Variants in NAV2 observed in about 807,000 individuals in gnomAD.
NAV2 encodes the protein neuron navigator 2.
Under a neutral mutation model 223.2 loss-of-function variants are expected in NAV2, and 54 were observed. The ratio of observed to expected loss-of-function variants is 0.24; its 90% CI spans 0.19 to 0.30. The LOEUF is 0.30. Among genes scored for constraint, NAV2 ranks in the 10% least tolerant of loss-of-function variants. The pLI, the probability that NAV2 is intolerant of heterozygous loss-of-function variation, is 1.00. For missense variants in NAV2, 2,806 were observed against 3,147.5 expected (o/e 0.89, Z 2.60); for synonymous variants, 1,279 against 1,239.3 (o/e 1.03, Z -0.67).
intron 12 of NAV2, among the ~76,000 whole-genome samples, chr11:20,042,785 T>C (rs1312972712): frequency 1.3e-5 from 2 of 152,170 alleles, no homozygotes; most frequent in Non-Finnish European, 2.9e-5. Context: ...TATCTTAGTA[T>C]ACCCACCCTG....
At chr11:19,675,218 G>A (rs1201179982) in intron 1 of NAV2, among the ~76,000 whole-genome samples, 2 of 152,050 alleles carry the variant, frequency 1.3e-5, no homozygotes, top group South Asian at 2.1e-4. Flanking sequence ...CTGACTCTAC[G>A]CCATGGATGT....
intron 1 of NAV2, among the ~76,000 whole-genome samples, chr11:19,463,714 C>T (rs779788863): frequency 1.3e-5 from 2 of 152,038 alleles, no homozygotes; most frequent in African/African-American, 4.8e-5. Context: ...TGTTCAGAGG[C>T]GAGCTGGTGA....
intron 10 of NAV2, among the ~76,000 whole-genome samples, chr11:19,954,561 A>T (rs1426658597): frequency 6.6e-6 from 1 of 152,160 alleles, no homozygotes; most frequent in Non-Finnish European, 1.5e-5. Context: ...TCATCTCTAG[A>T]TTACCTATAA....
chr11:19,479,125 G>A (rs934678129), intron 1 of NAV2, among the ~76,000 whole-genome samples: 20 of 152,144 alleles, frequency 1.3e-4, no homozygotes, highest in African/African-American at 4.3e-4. Context: ...TCACTGTGTC[G>A]GGTATAATTA....
intron 1 of NAV2, among the ~76,000 whole-genome samples, chr11:19,473,105 A>T (rs1379876243): frequency 6.6e-6 from 1 of 152,178 alleles, no homozygotes; most frequent in Non-Finnish European, 1.5e-5. Flanking sequence ...CAGCTTCTTT[A>T]GTCCTTGCTG....
At chr11:19,405,024 G>A (rs1343932934) in intron 1 of NAV2, among the ~76,000 whole-genome samples, 2 of 152,164 alleles carry the variant, frequency 1.3e-5, no homozygotes, top group Non-Finnish European at 2.9e-5. Flanking sequence ...CAAGGACAGA[G>A]GCAAAAGGCA....
chr11:19,402,367 G>T (rs1043075818), intron 1 of NAV2, among the ~76,000 whole-genome samples: 1 of 152,160 alleles, frequency 6.6e-6, no homozygotes, highest in Non-Finnish European at 1.5e-5. Context: ...TTATAAATGG[G>T]CTGATACATG....
At chr11:19,959,869 C>T (rs1013350445) in intron 10 of NAV2, among the ~76,000 whole-genome samples, 1 of 150,792 alleles carries the variant, frequency 6.6e-6, no homozygotes, top group Non-Finnish European at 1.5e-5. Context: ...CTCCTTCTTC[C>T]CCCCCCACCA....
intron 6 of NAV2, among the ~76,000 whole-genome samples, chr11:19,895,979 T>C (rs1487890910): frequency 6.6e-6 from 1 of 152,052 alleles, no homozygotes; most frequent in Non-Finnish European, 1.5e-5. Flanking sequence ...TGTGAACAGA[T>C]AAGCCACAGT....
chr11:19,882,306 C>G (rs1238987292), intron 5 of NAV2, among the ~76,000 whole-genome samples: 1 of 152,040 alleles, frequency 6.6e-6, no homozygotes, highest in Non-Finnish European at 1.5e-5. Context: ...AGCCAAGAGG[C>G]CTGCAAACAG....
chr11:19,813,391 C>T (rs556693995), intron 1 of NAV2, among the ~76,000 whole-genome samples: 1 of 152,268 alleles, frequency 6.6e-6, no homozygotes, highest in South Asian at 2.1e-4. Context: ...AAGCGTGGGC[C>T]AAGTGGGGGA....
intron 1 of NAV2, among the ~76,000 whole-genome samples, chr11:19,619,611 G>T (rs893210013): frequency 1.3e-5 from 2 of 152,088 alleles, no homozygotes; most frequent in African/African-American, 4.8e-5. Context: ...GGGGTTGTTT[G>T]AATTTTTCTT....
chr11:19,754,504 G>A (rs533515958), intron 1 of NAV2, among the ~76,000 whole-genome samples: 2 of 152,274 alleles, frequency 1.3e-5, no homozygotes, highest in South Asian at 4.1e-4. Flanking sequence ...TGGTCAGGAA[G>A]GTGAGGGCTG....
chr11:19,498,979 A>G (rs971608474), intron 1 of NAV2, among the ~76,000 whole-genome samples: 3 of 152,188 alleles, frequency 2.0e-5, no homozygotes, highest in African/African-American at 7.2e-5. Context: ...ACTTCTCACC[A>G]TGTTCCAGTC....
At chr11:19,733,633 T>G (rs1462553944) in intron 1 of NAV2, among the ~76,000 whole-genome samples, 12 of 152,194 alleles carry the variant, frequency 7.9e-5, no homozygotes, top group Non-Finnish European at 1.3e-4. Flanking sequence ...ATTTCACATT[T>G]ACTTAAAGGA....
At position 19,946,456 on chromosome 11, in the gene NAV2, G is replaced by A; in HGVS notation, c.2202G>A (p.Arg734=). ...LRTVKNIADL[R]QNLEETMSSL... is the part of the protein sequence containing the mutation. ...CAGTGAAGAACATCGCTGATCTGCG[G>A]CAGAATTTGGAGGAAACCATGTCCA... is the stretch of plus-strand genomic sequence containing the variant. Residue 734 remains arginine, a synonymous_variant, in exon 9 of 38, where the codon CGG becomes CGA. Transcript: ENST00000349880. The A allele has an allele frequency of 1.2e-6, 2 of 1,613,752 alleles. No individual in the cohort carries two copies. Among genetic ancestry groups the A allele is most frequent in the Admixed American group, 1.7e-5 (1 of 59,964 alleles).
intron 11 of NAV2, chr11:20,027,493 A>G: frequency 1.0e-6 from 1 of 980,330 alleles, no homozygotes; most frequent in African/African-American, 1.7e-5. Context: ...AGCTGGTCAC[A>G]GCTGCGCAGT....
chr11:19,915,714 C>T (rs972374452), intron 6 of NAV2, among the ~76,000 whole-genome samples: 24 of 152,196 alleles, frequency 1.6e-4, no homozygotes, highest in African/African-American at 5.8e-4. Context: ...CCCTATTCTC[C>T]TCTCTAGTTG....
At chr11:19,828,186 A>C (rs186807034) in intron 1 of NAV2, among the ~76,000 whole-genome samples, 4 of 152,024 alleles carry the variant, frequency 2.6e-5, no homozygotes, top group Admixed American at 2.6e-4. Context: ...GGGATGGTAT[A>C]AAATAGATAT....
Sources: gnomAD v4.1 joint callset for allele counts (sites outside exome capture counted in the v4.1 genomes callset) on GRCh38, gnomAD v4.1.1 for gene constraint, MANE v1.5 for transcripts, NCBI Gene and HGNC (gene_info 2026-07-23, HGNC 2026-07-21) for gene names.